DNER: variants seen among roughly 807,000 people sequenced by gnomAD.
DNER encodes the protein delta/notch like EGF repeat containing.
In DNER, 33 loss-of-function variants were observed where a neutral mutation model predicts 78.2. The observed-to-expected ratio is 0.42, with a 90% CI of 0.32 to 0.56. DNER has a LOEUF of 0.56. DNER is among the 20% of genes least tolerant of loss of function. The pLI is 0.11. For missense variants in DNER, 918 were observed against 975.3 expected, an observed-to-expected ratio of 0.94 and a Z score of 0.78; for synonymous variants, 417 against 384.8, an observed-to-expected ratio of 1.08 and a Z score of -0.98.
In DNER at chr2:229,589,130, A is replaced by G. The variant is rs181735660; in HGVS notation, c.586-642T>C. Among the ~76,000 whole-genome samples, 16 of 152,358 alleles carry G rather than the reference A, an allele frequency of 1.1e-4. No homozygotes were observed. The East Asian group carries it at 2.7e-3, about 26-fold the overall frequency. ...GGGAGGACTGTGCTCATCAAAAAGC[A>G]TACTGCAAAACCTTGAGCTATGTCC... is the stretch of plus-strand genomic sequence containing the variant. On this transcript the variant is annotated intron_variant, in intron 2 of 12. Transcript: ENST00000341772.
chr2:229,409,621 T>G (rs1693463145), intron 9 of DNER, among the ~76,000 whole-genome samples: 1 of 152,208 alleles, frequency 6.6e-6, no homozygotes, highest in African/African-American at 2.4e-5. Flanking sequence ...TTGGGGTTTT[T>G]GTTTGGATAG....
chr2:229,452,989 G>A (rs1211393373), intron 7 of DNER, among the ~76,000 whole-genome samples: 1 of 152,158 alleles, frequency 6.6e-6, no homozygotes, highest in Non-Finnish European at 1.5e-5. Flanking sequence ...ATATGTATGG[G>A]CCCTGTATAT....
intron 8 of DNER, among the ~76,000 whole-genome samples, chr2:229,419,025 C>T (rs1693708951): frequency 6.6e-6 from 1 of 151,992 alleles, no homozygotes; most frequent in African/African-American, 2.4e-5. Flanking sequence ...AAATGCTTAA[C>T]TGAAATTATT....
intron 5 of DNER, among the ~76,000 whole-genome samples, chr2:229,527,148 C>G (rs11900286): frequency 0.2 from 30,526 of 152,092 alleles, 4,783 homozygotes; most frequent in African/African-American, 0.44. Context: ...CACGTCATCG[C>G]GTGAGGGATT....
chr2:229,679,530 C>G (rs1699352497), intron 1 of DNER, among the ~76,000 whole-genome samples: 1 of 152,034 alleles, frequency 6.6e-6, no homozygotes, highest in South Asian at 2.1e-4. Flanking sequence ...AGTCATTTGC[C>G]ATAATACCTA....
intron 7 of DNER, among the ~76,000 whole-genome samples, chr2:229,458,306 T>C (rs1389904848): frequency 3.3e-5 from 5 of 151,704 alleles, no homozygotes; most frequent in Admixed American, 1.3e-4. Flanking sequence ...AAAAAGTGAG[T>C]AATCCAACAG....
chr2:229,514,606 G>A (rs992209325), intron 5 of DNER, among the ~76,000 whole-genome samples: 1 of 152,156 alleles, frequency 6.6e-6, no homozygotes, highest in Non-Finnish European at 1.5e-5. Flanking sequence ...ATCCACTTAA[G>A]TCATTATACA....
intron 5 of DNER, among the ~76,000 whole-genome samples, chr2:229,524,666 T>C (rs2154212661): frequency 6.6e-6 from 1 of 152,264 alleles, no homozygotes; most frequent in East Asian, 1.9e-4. Flanking sequence ...TCCATTAAGA[T>C]TACCCAGCCC....
chr2:229,462,847 T>C lies in DNER; in HGVS notation c.1261+14293A>G, dbSNP rs951428102. 2.6e-5 allele frequency among the ~76,000 whole-genome samples: 4 copies of C among 151,920 alleles called. 1 individual carries two copies. The highest frequency in any genetic ancestry group is 7.3e-5 in the African/African-American group (3 of 41,246). Reference sequence around the variant, plus strand: ...CTGGCCTCCATTCAGTTTCCAGAAATAACAAGCCATTCCTCACCTTGATCC... The same window carrying C: ...CTGGCCTCCATTCAGTTTCCAGAAACAACAAGCCATTCCTCACCTTGATCC... On this transcript the variant is annotated intron_variant, in intron 7 of 12. Transcript: ENST00000341772.
chr2:229,427,345 C>T (rs1693900644), intron 8 of DNER, among the ~76,000 whole-genome samples: 1 of 152,184 alleles, frequency 6.6e-6, no homozygotes, highest in African/African-American at 2.4e-5. Flanking sequence ...CTCATATTTG[C>T]CTCCTTGATC....
intron 1 of DNER, among the ~76,000 whole-genome samples, chr2:229,711,438 C>A (rs1699911101): frequency 6.6e-6 from 1 of 152,162 alleles, no homozygotes; most frequent in African/African-American, 2.4e-5. Context: ...ATTCCCAAAT[C>A]CTAGGAGTTT....
At chr2:229,554,967 AAG>A (rs1696830852) in intron 4 of DNER, among the ~76,000 whole-genome samples, 3 of 141,148 alleles carry the variant, frequency 2.1e-5, no homozygotes, top group African/African-American at 8.5e-5. Context: ...AAGGGAAGGG[AAG>A]GGAAGGGAAG....
chr2:229,369,294 T>TTTCTAAAAAGTTAAAAAAAAGTTTTAAC, intron 11 of DNER, among the ~76,000 whole-genome samples: 1 of 151,122 alleles, frequency 6.6e-6, no homozygotes, highest in Non-Finnish European at 1.5e-5. Context: ...AAGTTTTAAC[T>TTTCTAAAAAGTTAAAAAAAAGTTTTAAC]TTCTAAAAAG....
Position 229,710,739 on chromosome 2 carries a change from G to C in DNER, c.276+3409C>G, listed in dbSNP as rs566287383. On this transcript the variant is annotated intron_variant, in intron 1 of 12. Coordinates refer to ENST00000341772, the MANE Select transcript of DNER (RefSeq NM_139072.4). ...TGGATTAGTCACTCAATCAAAATGA[G>C]CTTCATTTTCTGCATTTGACTAAAA... Among the ~76,000 whole-genome samples the C allele has an allele frequency of 2.0e-5, 3 of 152,186 alleles. No individual in the cohort carries two copies. In the East Asian group the frequency reaches 5.8e-4, roughly 29 times the overall value.
chr2:229,555,856 G>A (rs1696846263), intron 4 of DNER, among the ~76,000 whole-genome samples: 1 of 151,326 alleles, frequency 6.6e-6, no homozygotes, highest in Admixed American at 6.6e-5. Flanking sequence ...TAGAATGTTG[G>A]GATGCTACCA....
chr2:229,417,082 G>A (rs141877901), intron 9 of DNER, among the ~76,000 whole-genome samples: 11 of 152,298 alleles, frequency 7.2e-5, no homozygotes, highest in East Asian at 5.8e-4. Context: ...CTAACCGAAC[G>A]TCATACTCCA....
chr2:229,376,156 C>T (rs920696639), intron 11 of DNER, among the ~76,000 whole-genome samples: 2 of 152,134 alleles, frequency 1.3e-5, no homozygotes, highest in African/African-American at 2.4e-5. Context: ...CTGTATCAGG[C>T]AGTTCTTTAT....
chr2:229,489,743 C>A (rs1695357135), intron 6 of DNER, among the ~76,000 whole-genome samples: 1 of 152,022 alleles, frequency 6.6e-6, no homozygotes, highest in Non-Finnish European at 1.5e-5. Context: ...TGGGAGAGGT[C>A]TCAGGAGAGC....
intron 1 of DNER, among the ~76,000 whole-genome samples, chr2:229,680,405 T>C: frequency 6.6e-6 from 1 of 152,186 alleles, no homozygotes. Context: ...TATTGGTGAT[T>C]CTTATGTTCC....
Sources: allele counts gnomAD v4.1 joint callset (sites outside exome capture counted in the v4.1 genomes callset), GRCh38; gene constraint gnomAD v4.1.1; transcripts MANE v1.5; gene names NCBI Gene and HGNC (gene_info 2026-07-23, HGNC 2026-07-21).